M1AP: variants seen among roughly 807,000 people sequenced by gnomAD.
The protein encoded by M1AP is meiosis 1 associated protein.
A neutral mutation model predicts 51.2 loss-of-function variants in M1AP; 39 were observed. The observed-to-expected ratio is 0.76, with a 90% CI of 0.59 to 1.00. The LOEUF (loss-of-function observed/expected upper bound fraction) is 1.00, where lower values mean the gene tolerates loss of function less well. M1AP is among the 50% of genes least tolerant of loss of function. M1AP has a pLI of 0.00. For synonymous variants in M1AP, 251 were observed against 249.2 expected, an observed-to-expected ratio of 1.01 and a Z score of -0.07; for missense variants, 545 against 641.2, an observed-to-expected ratio of 0.85 and a Z score of 1.62.
At chr2:74,645,320 G>A (rs1018334876) in intron 1 of M1AP, among the ~76,000 whole-genome samples, 8 of 152,128 alleles carry the variant, frequency 5.3e-5, no homozygotes, top group Admixed American at 2.6e-4. Flanking sequence ...CTGTAACACC[G>A]CCAGGGTCCG....
At chr2:74,615,223 T>C (rs1360502002) in intron 2 of M1AP, 74 bp from the exon 3 acceptor site, 4 of 1,278,826 alleles carry the variant, frequency 3.1e-6, no homozygotes, top group Non-Finnish European at 4.5e-6. Flanking sequence ...TCTAAATTTA[T>C]TATAAATAAT....
At chr2:74,627,137 G>C (rs1159357158) in intron 2 of M1AP, among the ~76,000 whole-genome samples, 1 of 151,836 alleles carries the variant, frequency 6.6e-6, no homozygotes, top group Non-Finnish European at 1.5e-5. Context: ...TTTTTTAATT[G>C]GCAAAAGGAA....
At chr2:74,573,633 G>A (rs1440188772) in intron 7 of M1AP, among the ~76,000 whole-genome samples, 3 of 152,102 alleles carry the variant, frequency 2.0e-5, no homozygotes, top group East Asian at 1.9e-4. Context: ...GATTACAGAC[G>A]TGAGTCACCA....
chr2:74,609,788 G>T (rs551380734), intron 3 of M1AP, among the ~76,000 whole-genome samples: 79 of 152,244 alleles, frequency 5.2e-4, no homozygotes, highest in African/African-American at 1.5e-3. Flanking sequence ...TTGTGGGTTT[G>T]ATTTGCATTT....
At chr2:74,626,256 AGT>A (rs1491204297) in intron 2 of M1AP, among the ~76,000 whole-genome samples, 23 of 136,518 alleles carry the variant, frequency 1.7e-4, no homozygotes, top group African/African-American at 6.0e-4. Context: ...GCTATATTTC[AGT>A]TTTTTTTTTT....
intron 7 of M1AP, among the ~76,000 whole-genome samples, chr2:74,571,950 T>G (rs929820419): frequency 6.0e-5 from 9 of 150,930 alleles, no homozygotes; most frequent in Non-Finnish European, 1.2e-4. Context: ...GAGCCAAGAT[T>G]GTGCCATTGC....
intron 3 of M1AP, 25 bp from the exon 4 acceptor site, chr2:74,607,248 G>A (rs751255170): frequency 1.2e-6 from 2 of 1,609,414 alleles, no homozygotes; most frequent in South Asian, 1.1e-5. Context: ...AAGAATCAAT[G>A]TGTCTATTCT....
At chr2:74,566,435 C>T (rs1312069401) in intron 7 of M1AP, among the ~76,000 whole-genome samples, 1 of 152,008 alleles carries the variant, frequency 6.6e-6, no homozygotes, top group Non-Finnish European at 1.5e-5. Context: ...GTCAGGTAGA[C>T]AGAGGCAAAA....
intron 5 of M1AP, among the ~76,000 whole-genome samples, chr2:74,578,490 T>C (rs1486777167): frequency 6.6e-6 from 1 of 152,068 alleles, no homozygotes; most frequent in African/African-American, 2.4e-5. Flanking sequence ...CCCATGTGAT[T>C]CTTACTGCAG....
chr2:74,564,784 G>T (rs890489349), intron 7 of M1AP, among the ~76,000 whole-genome samples: 1 of 152,208 alleles, frequency 6.6e-6, no homozygotes, highest in African/African-American at 2.4e-5. Context: ...GGAAGGGATA[G>T]AAACCAGGAA....
Position 74,562,437 on chromosome 2 carries a change from A to G in M1AP, c.1075-14T>C. 1 of 1,613,920 alleles carries G rather than the reference A, an allele frequency of 6.2e-7. No individual in the cohort carries two copies. Among genetic ancestry groups the G allele is most frequent in the Non-Finnish European group, 8.5e-7 (1 of 1,179,830 alleles). ...CCATTCCCTTTTCTGAAACAAGGAC[A>G]TACAGAAATACTGGTTCATCTTTAG... On this transcript the variant is annotated splice_polypyrimidine_tract_variant and intron_variant, in intron 7 of 10. Coordinates refer to ENST00000421985, the MANE Select transcript of M1AP (RefSeq NM_001321739.2).
chr2:74,561,154 AAGGAGG>A (rs1558643737), intron 8 of M1AP, among the ~76,000 whole-genome samples: 2 of 12,780 alleles, frequency 1.6e-4, no homozygotes. Context: ...GGAGGAGGAG[AAGGAGG>A]AGGAGGAGAA....
chr2:74,562,938 G>A (rs1678124954), intron 7 of M1AP, among the ~76,000 whole-genome samples: 1 of 152,066 alleles, frequency 6.6e-6, no homozygotes, highest in African/African-American at 2.4e-5. Flanking sequence ...AAAGAAAAAA[G>A]CAGTGTCTTG....
chr2:74,643,590 CTT>C (rs1161305967), intron 1 of M1AP, among the ~76,000 whole-genome samples: 49 of 130,016 alleles, frequency 3.8e-4, no homozygotes, highest in Admixed American at 4.7e-4. Context: ...TGGTAATGTT[CTT>C]TTTTTTTTTT....
intron 2 of M1AP, among the ~76,000 whole-genome samples, chr2:74,627,574 G>A (rs1682472663): frequency 6.6e-6 from 1 of 151,818 alleles, no homozygotes; most frequent in South Asian, 2.1e-4. Context: ...TTAGCTCAAG[G>A]TCCACTGAAG....
chr2:74,612,781 G>A (rs56012835), intron 3 of M1AP, among the ~76,000 whole-genome samples: 4 of 152,166 alleles, frequency 2.6e-5, no homozygotes, highest in Admixed American at 2.6e-4. Flanking sequence ...TCAGGAGCAT[G>A]TGGTTTAATG....
chr2:74,559,098 T>C (rs1305438169), intron 10 of M1AP, among the ~76,000 whole-genome samples: 1 of 152,206 alleles, frequency 6.6e-6, no homozygotes, highest in East Asian at 1.9e-4. Flanking sequence ...AGCTAACTTG[T>C]GGTAGCCTCT....
At chr2:74,578,321 A>G (rs1305032786) in intron 5 of M1AP, among the ~76,000 whole-genome samples, 1 of 152,184 alleles carries the variant, frequency 6.6e-6, no homozygotes, top group African/African-American at 2.4e-5. Flanking sequence ...GGTTTGTTAC[A>G]TATGTATACA....
intron 8 of M1AP, 138 bp from the exon 9 acceptor site, chr2:74,560,429 C>T: frequency 1.2e-6 from 1 of 867,270 alleles, no homozygotes; most frequent in Non-Finnish European, 1.7e-6. Flanking sequence ...GAAATAGATG[C>T]TGTCCCCCTG....
Sources: gnomAD v4.1 joint callset for allele counts (sites outside exome capture counted in the v4.1 genomes callset) on GRCh38, gnomAD v4.1.1 for gene constraint, MANE v1.5 for transcripts, NCBI Gene and HGNC (gene_info 2026-07-23, HGNC 2026-07-21) for gene names.